The following SDC2 variants were observed in gnomAD, a reference collection of about 807,000 sequenced individuals.
The protein encoded by SDC2 is syndecan-2.
SDC2 carries 13 observed loss-of-function variants against 22.2 expected under a neutral mutation model. That is an observed-to-expected ratio of 0.59 (90% CI 0.38 to 0.93). SDC2 has a LOEUF of 0.93. SDC2 is among the 40% of genes least tolerant of loss of function. SDC2 has a pLI of 0.00. For missense variants in SDC2, 235 were observed against 246.8 expected (o/e 0.95, Z 0.32); for synonymous variants, 94 against 92.8 (o/e 1.01, Z -0.07).
chr8:96,592,903 C>T (rs1310506205), intron 1 of SDC2, among the ~76,000 whole-genome samples: 1 of 152,202 alleles, frequency 6.6e-6, no homozygotes, highest in Non-Finnish European at 1.5e-5. Flanking sequence ...CTGGCCTCAG[C>T]ACAGGTCTGG....
At chr8:96,594,535 C>G (rs1814839866) in intron 2 of SDC2, among the ~76,000 whole-genome samples, 1 of 152,160 alleles carries the variant, frequency 6.6e-6, no homozygotes, top group African/African-American at 2.4e-5. Flanking sequence ...AAGGCCAGAA[C>G]AGACTCCACC....
intron 1 of SDC2, among the ~76,000 whole-genome samples, chr8:96,502,515 A>G (rs1813182057): frequency 1.1e-5 from 1 of 93,416 alleles, no homozygotes; most frequent in African/African-American, 3.6e-5. Context: ...TTTTTAAACT[A>G]TAAATCTCAT....
Position 96,602,387 on chromosome 8 carries a change from T to C in SDC2, c.173-8T>C. Reference sequence around the variant, plus strand: ...CCATGCTCAGTTCATCTTCACTTACTTTTCCAGGAGCTGATGAGGATGTAG... The same window carrying C: ...CCATGCTCAGTTCATCTTCACTTACCTTTCCAGGAGCTGATGAGGATGTAG... On this transcript the variant is annotated splice_region_variant and splice_polypyrimidine_tract_variant and intron_variant, in intron 2 of 4. Transcript: ENST00000302190. 2 of 1,613,222 alleles carry C rather than the reference T, an allele frequency of 1.2e-6. No homozygotes were observed. The highest frequency in any genetic ancestry group is 1.7e-6 in the Non-Finnish European group (2 of 1,179,482).
intron 1 of SDC2, among the ~76,000 whole-genome samples, chr8:96,543,962 G>A (rs1244286168): frequency 6.6e-6 from 1 of 152,104 alleles, no homozygotes; most frequent in Non-Finnish European, 1.5e-5. Flanking sequence ...AGAAATTATC[G>A]ATTGTATTCT....
Position 96,584,026 on chromosome 8 carries a change from A to C in SDC2, c.61-9454A>C, listed in dbSNP as rs534797038. On this transcript the variant is annotated intron_variant, in intron 1 of 4. Coordinates refer to ENST00000302190, the MANE Select transcript of SDC2 (RefSeq NM_002998.4). ...CTGGTCAAATAGTATAAAAGATTTC[A>C]TAGCTTCTTAAAACACATTGCCAAT... 6.6e-5 allele frequency among the ~76,000 whole-genome samples: 10 copies of C among 152,324 alleles called. No homozygotes were observed. The South Asian group carries it at 1.9e-3, about 28-fold the overall frequency.
At chr8:96,596,940 G>T (rs146792159) in intron 2 of SDC2, among the ~76,000 whole-genome samples, 16 of 152,292 alleles carry the variant, frequency 1.1e-4, no homozygotes, top group African/African-American at 3.4e-4. Context: ...GGAATTGGTG[G>T]CATTCAGTGG....
chr8:96,532,424 T>G (rs937071058), intron 1 of SDC2, among the ~76,000 whole-genome samples: 1 of 143,036 alleles, frequency 7.0e-6, no homozygotes, highest in Non-Finnish European at 1.5e-5. Flanking sequence ...TTTTTTTTTT[T>G]TTTTTTTTTT....
intron 1 of SDC2, among the ~76,000 whole-genome samples, chr8:96,512,146 C>T (rs1813337742): frequency 6.6e-6 from 1 of 152,178 alleles, no homozygotes; most frequent in Non-Finnish European, 1.5e-5. Flanking sequence ...ACTTATATCC[C>T]ACTATTTGCA....
chr8:96,583,750 G>T (rs1227722752), intron 1 of SDC2, among the ~76,000 whole-genome samples: 2 of 149,894 alleles, frequency 1.3e-5, no homozygotes, highest in Admixed American at 6.7e-5. Context: ...CAATATAGTT[G>T]TAATATTAGA....
In SDC2 at chr8:96,560,729, C is replaced by CAA. The variant is rs55777629; in HGVS notation, c.61-32740_61-32739dup. On this transcript the variant is annotated intron_variant, in intron 1 of 4. Transcript: ENST00000302190. ...AGCTATGTACATATACTTGATTTTCCAAAAAAAAAAAATCAAGAGGTTCAT... is the reference window on the plus strand; with the variant it reads ...AGCTATGTACATATACTTGATTTTCCAAAAAAAAAAAAAATCAAGAGGTTCAT... 2.9e-5 allele frequency among the ~76,000 whole-genome samples: 4 copies of CAA among 138,306 alleles called. No individual in the cohort carries two copies. In the East Asian group the frequency reaches 6.1e-4, roughly 21 times the overall value. The allele number at this position is 138,306 out of a possible 152,430, so 90.7% of individuals were successfully genotyped here.
At chr8:96,554,677 A>C (rs760914635) in intron 1 of SDC2, among the ~76,000 whole-genome samples, 4 of 152,204 alleles carry the variant, frequency 2.6e-5, no homozygotes, top group Non-Finnish European at 5.9e-5. Flanking sequence ...TTGAACTGGC[A>C]GTTACGACTT....
intron 1 of SDC2, among the ~76,000 whole-genome samples, chr8:96,552,695 A>G (rs559802465): frequency 1.3e-5 from 2 of 152,310 alleles, no homozygotes; most frequent in East Asian, 1.9e-4. Context: ...ATAGCATGTA[A>G]TTAAGGTCAT....
At chr8:96,495,427 C>A (rs116146395) in intron 1 of SDC2, among the ~76,000 whole-genome samples, 1 of 152,302 alleles carries the variant, frequency 6.6e-6, no homozygotes, top group Non-Finnish European at 1.5e-5. Flanking sequence ...CCGCAGCTGC[C>A]TCCACCTGGG....
intron 2 of SDC2, among the ~76,000 whole-genome samples, chr8:96,601,479 A>C (rs1293474425): frequency 6.6e-6 from 1 of 151,954 alleles, no homozygotes; most frequent in Non-Finnish European, 1.5e-5. Flanking sequence ...ATCTCTACTA[A>C]AAATACAAAA....
At chr8:96,518,322 C>G (rs1813438711) in intron 1 of SDC2, among the ~76,000 whole-genome samples, 2 of 150,796 alleles carry the variant, frequency 1.3e-5, no homozygotes, top group Non-Finnish European at 3.0e-5. Context: ...GCACTTCTGC[C>G]TTGTGGACCT....
chr8:96,539,180 A>G (rs1343463014), intron 1 of SDC2, among the ~76,000 whole-genome samples: 4 of 152,256 alleles, frequency 2.6e-5, no homozygotes, highest in Admixed American at 2.6e-4. Context: ...AGTACTGAGC[A>G]TAGAATTTTA....
intron 1 of SDC2, among the ~76,000 whole-genome samples, chr8:96,538,090 G>A (rs1461433334): frequency 1.3e-5 from 2 of 152,194 alleles, no homozygotes; most frequent in Non-Finnish European, 2.9e-5. Context: ...AGCCTCCTGA[G>A]TAGCTGGGAT....
At chr8:96,531,082 G>A (rs543522794) in intron 1 of SDC2, among the ~76,000 whole-genome samples, 16 of 152,342 alleles carry the variant, frequency 1.1e-4, no homozygotes, top group Admixed American at 7.2e-4. Context: ...TGGCGCAGCT[G>A]TCCTGGGGCA....
intron 1 of SDC2, among the ~76,000 whole-genome samples, chr8:96,530,085 T>C (rs1416297759): frequency 6.6e-6 from 1 of 152,182 alleles, no homozygotes; most frequent in African/African-American, 2.4e-5. Flanking sequence ...AGATAAACAC[T>C]ATATACATTA....
Sources: gnomAD v4.1 joint callset for allele counts (sites outside exome capture counted in the v4.1 genomes callset) on GRCh38, gnomAD v4.1.1 for gene constraint, MANE v1.5 for transcripts, NCBI Gene and HGNC (gene_info 2026-07-23, HGNC 2026-07-21) for gene names.